The following DOCK4 variants were observed in gnomAD, a reference collection of about 807,000 sequenced individuals.
DOCK4 encodes the protein dedicator of cytokinesis protein 4.
Under a neutral mutation model 268.1 loss-of-function variants are expected in DOCK4, and 97 were observed. That is an observed-to-expected ratio of 0.36 (90% CI 0.31 to 0.43). DOCK4 has a LOEUF of 0.43. Among genes scored for constraint, DOCK4 ranks in the 20% least tolerant of loss-of-function variants. The pLI is 1.00. For synonymous variants in DOCK4, 954 were observed against 887.2 expected, an observed-to-expected ratio of 1.08 and a Z score of -1.34; for missense variants, 2,145 against 2,455.7, an observed-to-expected ratio of 0.87 and a Z score of 2.67.
chr7:111,828,060 C>T (rs1421705602), intron 26 of DOCK4, among the ~76,000 whole-genome samples: 1 of 151,996 alleles, frequency 6.6e-6, no homozygotes, highest in African/African-American at 2.4e-5. Context: ...ATATGAAATG[C>T]CAAGGATATG....
chr7:111,845,167 C>T (rs1804003780), intron 24 of DOCK4, among the ~76,000 whole-genome samples: 1 of 152,218 alleles, frequency 6.6e-6, no homozygotes, highest in African/African-American at 2.4e-5. Context: ...ACCAGCGAGG[C>T]TCCCAACAGG....
chr7:112,066,453 T>C (rs1806942469), intron 1 of DOCK4, among the ~76,000 whole-genome samples: 1 of 151,042 alleles, frequency 6.6e-6, no homozygotes, highest in Non-Finnish European at 1.5e-5. Context: ...ATAAGCCAAT[T>C]GCCCTAATAA....
chr7:112,202,794 A>ATAT (rs957684107), intron 1 of DOCK4, among the ~76,000 whole-genome samples: 2 of 152,010 alleles, frequency 1.3e-5, no homozygotes, highest in African/African-American at 4.8e-5. Flanking sequence ...CTTAAAAAAT[A>ATAT]TATTATTATT....
intron 23 of DOCK4, among the ~76,000 whole-genome samples, chr7:111,855,153 G>C (rs894275243): frequency 6.6e-6 from 1 of 152,216 alleles, no homozygotes; most frequent in Non-Finnish European, 1.5e-5. Flanking sequence ...ATTCTGGAGA[G>C]TGCCCCCCAA....
intron 1 of DOCK4, among the ~76,000 whole-genome samples, chr7:112,093,466 T>C (rs1036098604): frequency 6.6e-6 from 1 of 152,114 alleles, no homozygotes; most frequent in Non-Finnish European, 1.5e-5. Flanking sequence ...GAAACAATTA[T>C]ATTAATATAT....
chr7:112,150,391 A>G (rs1383108435), intron 1 of DOCK4, among the ~76,000 whole-genome samples: 1 of 152,170 alleles, frequency 6.6e-6, no homozygotes, highest in South Asian at 2.1e-4. Context: ...GTCTGCCAAC[A>G]TGCCGCTCCA....
chr7:112,191,481 G>A (rs1819948045), intron 1 of DOCK4, among the ~76,000 whole-genome samples: 1 of 151,654 alleles, frequency 6.6e-6, no homozygotes, highest in Non-Finnish European at 1.5e-5. Context: ...CATACTGACT[G>A]ACCATCACTA....
intron 12 of DOCK4, 97 bp from the exon 13 acceptor site, chr7:111,916,001 G>C: frequency 1.5e-6 from 2 of 1,307,372 alleles, no homozygotes; most frequent in Non-Finnish European, 2.1e-6. Context: ...GAATATCATG[G>C]TTTTAAACTA....
chr7:112,059,893 A>C (rs1205435781), intron 1 of DOCK4, among the ~76,000 whole-genome samples: 1 of 152,264 alleles, frequency 6.6e-6, no homozygotes, highest in Non-Finnish European at 1.5e-5. Context: ...ACAAACTCAG[A>C]ACAAGAAGAA....
chr7:111,990,799 T>A (rs924770948), intron 5 of DOCK4, among the ~76,000 whole-genome samples: 8 of 152,232 alleles, frequency 5.3e-5, no homozygotes, highest in Admixed American at 5.2e-4. Context: ...TCAATGTCCA[T>A]GTCCTCCCTG....
intron 1 of DOCK4, among the ~76,000 whole-genome samples, chr7:112,194,019 T>G (rs1285030964): frequency 6.6e-6 from 1 of 152,096 alleles, no homozygotes; most frequent in Non-Finnish European, 1.5e-5. Context: ...GGCCCCACCC[T>G]TATGACCTCA....
At chr7:112,060,682 C>G (rs1339572863) in intron 1 of DOCK4, among the ~76,000 whole-genome samples, 1 of 152,060 alleles carries the variant, frequency 6.6e-6, no homozygotes, top group Non-Finnish European at 1.5e-5. Flanking sequence ...CATGGATGAA[C>G]CTTGAGAACA....
chr7:111,823,144 T>C (rs1802122065), intron 26 of DOCK4, among the ~76,000 whole-genome samples: 1 of 151,946 alleles, frequency 6.6e-6, no homozygotes, highest in Non-Finnish European at 1.5e-5. Flanking sequence ...GATGTTATCT[T>C]TAAATCGATC....
intron 8 of DOCK4, among the ~76,000 whole-genome samples, chr7:111,959,305 C>T (rs772061011): frequency 1.6e-4 from 25 of 152,112 alleles, no homozygotes; most frequent in Non-Finnish European, 3.5e-4. Context: ...ACTCCCTGCA[C>T]GTCTGGCCGG....
rs750839061 is a variant in DOCK4, at chr7:111,728,406, G to C, written c.5796C>G (p.Pro1932=). The C allele has an allele frequency of 2.6e-6, 4 of 1,567,658 alleles. No homozygotes were observed. Among genetic ancestry groups the C allele is most frequent in the South Asian group, 2.4e-5 (2 of 83,186 alleles). Residue 1932 remains proline, a synonymous_variant, in exon 53 of 53, where the codon CCC becomes CCG. Coordinates refer to ENST00000428084, the MANE Select transcript of DOCK4 (RefSeq NM_001363540.2). ...GCAGCGCGGGCGGCTCCGACGTGAC[G>C]GGGATGGAGAGGCTGTGAGGTAGCG... ...PVPLPHSLSI[P]VTSEPPALPP... is the part of the protein sequence containing the mutation.
At chr7:112,038,913 A>G (rs1449173085) in intron 1 of DOCK4, among the ~76,000 whole-genome samples, 2 of 152,180 alleles carry the variant, frequency 1.3e-5, no homozygotes, top group Non-Finnish European at 2.9e-5. Flanking sequence ...CAATGTCGCT[A>G]TCTTCTAGGC....
rs543267593 is a variant in DOCK4, at chr7:112,184,679, G to A, written c.37+21423C>T. Among the ~76,000 whole-genome samples the A allele has an allele frequency of 2.6e-5, 4 of 152,050 alleles. No individual in the cohort carries two copies. The South Asian group carries it at 8.3e-4, about 32-fold the overall frequency. On this transcript the variant is annotated intron_variant, in intron 1 of 52. Coordinates refer to ENST00000428084, the MANE Select transcript of DOCK4 (RefSeq NM_001363540.2). ...AGAGTCTCTGTTCCTATGGTCACAC[G>A]CCTTGGACACTGGTTCCCAGAAGTG...
At chr7:111,801,351 CTG>C (rs2133858356) in intron 30 of DOCK4, among the ~76,000 whole-genome samples, 1 of 152,344 alleles carries the variant, frequency 6.6e-6, no homozygotes, top group African/African-American at 2.4e-5. Flanking sequence ...CTCCCCACCT[CTG>C]TCTCTGTACA....
At chr7:111,798,045 T>C (rs1198430042) in intron 30 of DOCK4, among the ~76,000 whole-genome samples, 1 of 152,180 alleles carries the variant, frequency 6.6e-6, no homozygotes, top group Non-Finnish European at 1.5e-5. Flanking sequence ...GGACAAAGGC[T>C]CTAGCAGCAG....
Sources: gnomAD v4.1 joint callset for allele counts (sites outside exome capture counted in the v4.1 genomes callset) on GRCh38, gnomAD v4.1.1 for gene constraint, MANE v1.5 for transcripts, NCBI Gene and HGNC (gene_info 2026-07-23, HGNC 2026-07-21) for gene names.